The following FUT8 variants were observed in gnomAD, a reference collection of about 807,000 sequenced individuals.
FUT8 encodes alpha-(1,6)-fucosyltransferase.
In FUT8, 29 loss-of-function variants were observed where a neutral mutation model predicts 71.3. That is an observed-to-expected ratio of 0.41 (90% CI 0.30 to 0.55). The LOEUF is 0.55. Among genes scored for constraint, FUT8 ranks in the 20% least tolerant of loss-of-function variants. The pLI is 0.34. For synonymous variants in FUT8, 254 were observed against 239.3 expected (o/e 1.06, Z -0.57); for missense variants, 544 against 702.1 (o/e 0.77, Z 2.55).
At chr14:65,505,607 C>T (rs1043283996) in intron 2 of FUT8, among the ~76,000 whole-genome samples, 1 of 152,012 alleles carries the variant, frequency 6.6e-6, no homozygotes, top group Admixed American at 6.6e-5. Context: ...CTACCGTGCC[C>T]GGCCTACATC....
chr14:65,659,788 C>G (rs1242315978), intron 6 of FUT8, among the ~76,000 whole-genome samples: 2 of 151,990 alleles, frequency 1.3e-5, no homozygotes, highest in African/African-American at 4.8e-5. Flanking sequence ...TTTCTCTTCT[C>G]ACTCCCTTTT....
chr14:65,622,904 T>G (rs1001690132), intron 5 of FUT8, among the ~76,000 whole-genome samples: 21 of 127,778 alleles, frequency 1.6e-4, no homozygotes, highest in Admixed American at 1.0e-3. Flanking sequence ...TAGGGGGAGC[T>G]TCTCTGTTTT....
At chr14:65,362,758 C>A in the FUT8 span, among the ~76,000 whole-genome samples, 1 of 151,368 alleles carries the variant, frequency 6.6e-6, no homozygotes, top group Non-Finnish European at 1.5e-5. Context: ...GTCAGGAGAT[C>A]GAGACCATCC....
chr14:65,742,364 A>G lies in FUT8; in HGVS notation c.1682A>G (p.Lys561Arg). The G allele has an allele frequency of 6.2e-7, 1 of 1,612,762 alleles. No individual in the cohort carries two copies. ...TATCCCTCCTACAAAGTTCGAGAGA[A>G]GATAGAAACGGTCAAGTACCCCACA... ...GLYPSYKVREKIETVKYPTYP... is the reference protein window; with the variant it reads ...GLYPSYKVRERIETVKYPTYP... Residue 561 changes from lysine to arginine, a missense_variant, in exon 11 of 11, where the codon AAG (lysine) becomes AGG (arginine). Coordinates refer to ENST00000673929, the MANE Select transcript of FUT8 (RefSeq NM_001371533.1).
the FUT8 span, among the ~76,000 whole-genome samples, chr14:65,401,056 T>C: frequency 6.6e-6 from 1 of 152,182 alleles, no homozygotes; most frequent in African/African-American, 2.4e-5. Context: ...AGTCAGTTGG[T>C]GAGAAGCTAC....
At chr14:65,496,054 A>T (rs1273679641) in intron 2 of FUT8, among the ~76,000 whole-genome samples, 1 of 152,170 alleles carries the variant, frequency 6.6e-6, no homozygotes, top group African/African-American at 2.4e-5. Flanking sequence ...ATCACGTTAA[A>T]TAGATAACTT....
At chr14:65,488,778 C>G (rs1297362440) in intron 2 of FUT8, among the ~76,000 whole-genome samples, 1 of 152,034 alleles carries the variant, frequency 6.6e-6, no homozygotes, top group Non-Finnish European at 1.5e-5. Context: ...AAGACATAGG[C>G]CTATTCAGGA....
At chr14:65,495,963 T>TG (rs1418068528) in intron 2 of FUT8, among the ~76,000 whole-genome samples, 1 of 152,156 alleles carries the variant, frequency 6.6e-6, no homozygotes, top group Non-Finnish European at 1.5e-5. Flanking sequence ...GAAAGTGTAG[T>TG]GTTTTAAAAA....
At chr14:65,416,114 G>A (rs921442138) in intron 1 of FUT8, among the ~76,000 whole-genome samples, 1 of 151,942 alleles carries the variant, frequency 6.6e-6, no homozygotes, top group African/African-American at 2.4e-5. Context: ...TTTGATTTAT[G>A]ATAAACTGCA....
intron 7 of FUT8, among the ~76,000 whole-genome samples, chr14:65,671,743 A>AT (rs1892489127): frequency 1.3e-5 from 2 of 152,182 alleles, no homozygotes; most frequent in South Asian, 4.1e-4. Flanking sequence ...TTTTGTTTTT[A>AT]TGAAGAGTAT....
intron 1 of FUT8, among the ~76,000 whole-genome samples, chr14:65,434,165 A>G (rs578201124): frequency 2.1e-4 from 32 of 152,234 alleles, no homozygotes; most frequent in African/African-American, 7.2e-4. Flanking sequence ...AAAATGCCTT[A>G]TACAGAAAGG....
At chr14:65,576,456 T>A (rs1322737301) in intron 3 of FUT8, among the ~76,000 whole-genome samples, 1 of 152,152 alleles carries the variant, frequency 6.6e-6, no homozygotes, top group Admixed American at 6.5e-5. Context: ...AGACATGCTC[T>A]GAAATAAAGG....
rs536923473 is a variant in FUT8 at position 65,496,439 on chromosome 14, T to C, written c.-228+40721T>C. On this transcript the variant is annotated intron_variant, in intron 2 of 10. Transcript: ENST00000673929. ...CTCACCCAAATCTCATCTTGAATTG[T>C]AATCCCCATAATCCCCACGTGTCAA... 1.2e-3 allele frequency among the ~76,000 whole-genome samples: 181 copies of C among 152,270 alleles called. 1 individual carries two copies. Among genetic ancestry groups the C allele is most frequent in the African/African-American group, 4.1e-3 (171 of 41,560 alleles).
rs1896532729 is a variant in FUT8, at chr14:65,742,099, C to T, written c.1417C>T (p.Arg473Ter). ...LVCTFSSQVCRVAYEIMQTLH... is the reference protein window; with the variant it reads ...LVCTFSSQVC ...TTTTAAATTCTTTCCCAAGGTCTGT[C>T]GAGTTGCTTATGAAATTATGCAAAC... Residue 473 changes from arginine to a stop codon, truncating the protein, a stop_gained, in exon 11 of 11, where the codon CGA (arginine) becomes TGA (stop). Transcript: ENST00000673929. LOFTEE classifies it high-confidence loss of function. The T allele has an allele frequency of 6.2e-7, 1 of 1,610,500 alleles. No homozygotes were observed. The highest frequency in any genetic ancestry group is 1.1e-5 in the South Asian group (1 of 90,916).
At chr14:65,708,166 GT>G (rs1226590033) in intron 7 of FUT8, among the ~76,000 whole-genome samples, 3 of 152,236 alleles carry the variant, frequency 2.0e-5, no homozygotes, top group South Asian at 2.1e-4. Flanking sequence ...CATGGGGGTG[GT>G]TTCCCCCATG....
At chr14:65,593,267 G>T (rs1242412824) in intron 3 of FUT8, among the ~76,000 whole-genome samples, 1 of 152,156 alleles carries the variant, frequency 6.6e-6, no homozygotes, top group Non-Finnish European at 1.5e-5. Context: ...TACTTAAAGT[G>T]ATAAAGAGTA....
intron 5 of FUT8, among the ~76,000 whole-genome samples, chr14:65,624,901 C>T (rs560158368): frequency 6.6e-6 from 1 of 152,168 alleles, no homozygotes; most frequent in East Asian, 1.9e-4. Flanking sequence ...CCTGTCAATA[C>T]TATAAACAGA....
intron 1 of FUT8, among the ~76,000 whole-genome samples, chr14:65,431,473 CT>C (rs1191324510): frequency 1.3e-5 from 2 of 151,270 alleles, no homozygotes; most frequent in African/African-American, 4.9e-5. Context: ...CCATACCCGG[CT>C]TTTTTTTGGT....
At chr14:65,507,302 G>A (rs949730284) in intron 2 of FUT8, among the ~76,000 whole-genome samples, 2 of 152,166 alleles carry the variant, frequency 1.3e-5, no homozygotes, top group African/African-American at 4.8e-5. Flanking sequence ...GAAGATTTGT[G>A]TCTGTCTCTA....
Sources: gnomAD v4.1 joint callset for allele counts (sites outside exome capture counted in the v4.1 genomes callset) on GRCh38, gnomAD v4.1.1 for gene constraint, MANE v1.5 for transcripts, NCBI Gene and HGNC (gene_info 2026-07-23, HGNC 2026-07-21) for gene names.